The following COL21A1 variants were observed in gnomAD, a reference collection of about 807,000 sequenced individuals.
COL21A1 encodes collagen alpha-1(XXI) chain.
COL21A1 carries 149 observed loss-of-function variants against 137.9 expected under a neutral mutation model. That is an observed-to-expected ratio of 1.08 (90% CI 0.95 to 1.24). The LOEUF is 1.24. COL21A1 is among the 50% of genes most tolerant of loss of function. COL21A1 has a pLI of 0.00. For synonymous variants in COL21A1, 456 were observed against 391.5 expected (o/e 1.16, Z -1.95); for missense variants, 1,167 against 1,158.4 (o/e 1.01, Z -0.11).
chr6:56,064,522 TG>T, intron 24 of COL21A1, 55 bp downstream of exon 24: 1 of 1,165,806 alleles, frequency 8.6e-7, no homozygotes, highest in Non-Finnish European at 1.3e-6. Context: ...CTCTCAGCAT[TG>T]TCCAGTTATG....
At chr6:56,257,848 C>T (rs1293911994) in intron 1 of COL21A1, among the ~76,000 whole-genome samples, 2 of 151,538 alleles carry the variant, frequency 1.3e-5, no homozygotes, top group African/African-American at 4.9e-5. Flanking sequence ...AACAGGTGGC[C>T]GGTCAGATTT....
At chr6:56,153,646 C>T (rs897456754) in intron 10 of COL21A1, among the ~76,000 whole-genome samples, 1 of 152,112 alleles carries the variant, frequency 6.6e-6, no homozygotes, top group Non-Finnish European at 1.5e-5. Flanking sequence ...ACTACCCTCC[C>T]TGAAATCCTA....
At chr6:56,273,815 G>T (rs768431994) in intron 1 of COL21A1, among the ~76,000 whole-genome samples, 1 of 152,100 alleles carries the variant, frequency 6.6e-6, no homozygotes, top group Non-Finnish European at 1.5e-5. Flanking sequence ...CAATCATACT[G>T]AAACTATTCC....
At chr6:56,192,758 C>A (rs1262921817) in intron 1 of COL21A1, among the ~76,000 whole-genome samples, 1 of 152,116 alleles carries the variant, frequency 6.6e-6, no homozygotes, top group Admixed American at 6.6e-5. Flanking sequence ...TTAGTTCAAC[C>A]ATTGTGGAAG....
At chr6:56,317,702 C>T (rs1257934338) in intron 1 of COL21A1, among the ~76,000 whole-genome samples, 6 of 152,088 alleles carry the variant, frequency 3.9e-5, no homozygotes, top group African/African-American at 1.4e-4. Context: ...CTGACTACCA[C>T]CTCGTATATC....
intron 1 of COL21A1, among the ~76,000 whole-genome samples, chr6:56,209,500 G>A (rs1047623393): frequency 3.3e-5 from 5 of 152,066 alleles, no homozygotes; most frequent in South Asian, 4.1e-4. Flanking sequence ...AAAAGAAAAC[G>A]CTTTTGCAAC....
intron 1 of COL21A1, among the ~76,000 whole-genome samples, chr6:56,253,995 A>G (rs909459217): frequency 2.6e-5 from 4 of 152,216 alleles, no homozygotes; most frequent in Admixed American, 2.6e-4. Context: ...TATACACTGA[A>G]GTGTACTCAG....
intron 1 of COL21A1, among the ~76,000 whole-genome samples, chr6:56,259,076 T>C (rs527393958): frequency 6.6e-6 from 1 of 152,178 alleles, no homozygotes; most frequent in Non-Finnish European, 1.5e-5. Flanking sequence ...ACATAGACAT[T>C]CAGCAGAAGC....
At chr6:56,248,061 T>C (rs1239923793), upstream of COL21A1, among the ~76,000 whole-genome samples, 1 of 152,216 alleles carries the variant, frequency 6.6e-6, no homozygotes, top group Non-Finnish European at 1.5e-5. Context: ...AAGTAGGCAG[T>C]GACCTTTAAG....
chr6:56,268,501 C>T (rs997959038), intron 1 of COL21A1, among the ~76,000 whole-genome samples: 1 of 152,184 alleles, frequency 6.6e-6, no homozygotes, highest in African/African-American at 2.4e-5. Flanking sequence ...CCTAATGAAT[C>T]ACAACTCAAA....
intron 10 of COL21A1, among the ~76,000 whole-genome samples, chr6:56,152,722 G>A (rs1435769896): frequency 1.3e-5 from 2 of 151,944 alleles, no homozygotes; most frequent in Non-Finnish European, 1.5e-5. Context: ...GCCTGTGGAA[G>A]GCCTGCTCAG....
chr6:56,108,971 A>T (rs1771180728), intron 16 of COL21A1, among the ~76,000 whole-genome samples: 7 of 151,860 alleles, frequency 4.6e-5, no homozygotes, highest in Admixed American at 3.9e-4. Context: ...TAACTCTTTA[A>T]ACAACTTTTA....
intron 10 of COL21A1, among the ~76,000 whole-genome samples, chr6:56,147,964 T>A (rs1668794212): frequency 9.1e-6 from 1 of 109,592 alleles, no homozygotes. Flanking sequence ...TATACGCAAA[T>A]TCAGTAAACC....
intron 10 of COL21A1, among the ~76,000 whole-genome samples, chr6:56,143,275 A>T (rs1774569267): frequency 7.0e-6 from 1 of 143,214 alleles, no homozygotes; most frequent in South Asian, 2.2e-4. Context: ...ATCTCGGCTC[A>T]CTACAAGCTC....
intron 9 of COL21A1, among the ~76,000 whole-genome samples, chr6:56,163,565 C>G (rs1256506201): frequency 6.6e-6 from 1 of 151,974 alleles, no homozygotes; most frequent in African/African-American, 2.4e-5. Context: ...AAAAATTAGC[C>G]GGGCGCAGTG....
intron 5 of COL21A1, among the ~76,000 whole-genome samples, chr6:56,170,263 G>A (rs952873667): frequency 7.3e-5 from 11 of 151,722 alleles, no homozygotes; most frequent in Admixed American, 6.6e-5. Context: ...GGACTTTGAC[G>A]TCAACTAGAC....
At chr6:56,372,083 G>A (rs1298432126) in intron 1 of COL21A1, among the ~76,000 whole-genome samples, 2 of 152,182 alleles carry the variant, frequency 1.3e-5, no homozygotes, top group East Asian at 1.9e-4. Context: ...TCCTTGAGGT[G>A]TGTCCTACAC....
chr6:56,164,830 A>T lies in COL21A1; in HGVS notation c.1279-8T>A. 1 of 1,549,628 alleles carries T rather than the reference A, an allele frequency of 6.5e-7. No homozygotes were observed. The highest frequency in any genetic ancestry group is 8.8e-7 in the Non-Finnish European group (1 of 1,140,444). ...CAAGCCTACCTCTCCATTCTGAAAG[A>T]AAAACAACAAATGTGTTTTAAAATG... On this transcript the variant is annotated splice_polypyrimidine_tract_variant and splice_region_variant and intron_variant, in intron 7 of 29. Coordinates refer to ENST00000244728, the MANE Select transcript of COL21A1 (RefSeq NM_030820.4).
At chr6:56,154,779 G>T (rs1775611032) in intron 10 of COL21A1, among the ~76,000 whole-genome samples, 2 of 152,018 alleles carry the variant, frequency 1.3e-5, no homozygotes, top group African/African-American at 4.8e-5. Context: ...CTGAATCCCT[G>T]TGTGTCAGCT....
Sources: gnomAD v4.1 joint callset for allele counts (sites outside exome capture counted in the v4.1 genomes callset) on GRCh38, gnomAD v4.1.1 for gene constraint, MANE v1.5 for transcripts, NCBI Gene and HGNC (gene_info 2026-07-23, HGNC 2026-07-21) for gene names.